LRP4: variants seen among roughly 807,000 people sequenced by gnomAD.
LRP4 encodes the protein LDL receptor related protein 4.
LRP4 carries 95 observed loss-of-function variants against 220.3 expected under a neutral mutation model. The ratio of observed to expected loss-of-function variants is 0.43; its 90% CI spans 0.37 to 0.51. The LOEUF is 0.51. Ranked by LOEUF, LRP4 falls within the 20% of genes least tolerant of loss-of-function variation. LRP4 has a pLI of 0.00. For synonymous variants in LRP4, 903 were observed against 954.6 expected, an observed-to-expected ratio of 0.95 and a Z score of 1.00; for missense variants, 1,925 against 2,567.0, an observed-to-expected ratio of 0.75 and a Z score of 5.40.
chr11:46,882,774 T>C (rs1941193708), intron 19 of LRP4, among the ~76,000 whole-genome samples: 1 of 152,122 alleles, frequency 6.6e-6, no homozygotes, highest in Admixed American at 6.6e-5. Flanking sequence ...GAGGATTGCT[T>C]GAGCCCAGGA....
chr11:46,890,924 A>G lies in LRP4; in HGVS notation c.1698-430T>C, dbSNP rs79475988. Among the ~76,000 whole-genome samples, 1,270 of 151,822 alleles carry G rather than the reference A, an allele frequency of 8.4e-3. 11 individuals carry two copies. The highest frequency in any genetic ancestry group is 0.03 in the African/African-American group (1,227 of 41,414). On this transcript the variant is annotated intron_variant, in intron 13 of 37. Coordinates refer to ENST00000378623, the MANE Select transcript of LRP4 (RefSeq NM_002334.4). This position sits in a 1 kb window ranked among gnomAD's most constrained non-coding sequence, Gnocchi z 5.3. ...ATGCTTTTTAAGTGTCTGAGTTTAA[A>G]TGTCTTTAGACAGGGCATTTATTCA...
intron 36 of LRP4, among the ~76,000 whole-genome samples, 168 bp downstream of exon 36, chr11:46,864,280 G>A (rs953508810): frequency 3.9e-5 from 6 of 152,214 alleles, no homozygotes; most frequent in African/African-American, 1.4e-4. Flanking sequence ...CTGGAGAAGA[G>A]TAAGTATTTA....
chr11:46,863,584 C>CAAAAAAAAAAAAA (rs55744712), intron 36 of LRP4, among the ~76,000 whole-genome samples: 7 of 54,072 alleles, frequency 1.3e-4, no homozygotes, highest in East Asian at 5.1e-4. Flanking sequence ...ACTAAAAATA[C>CAAAAAAAAAAAAA]AAAAAAAAAA....
rs759986440 is a variant in LRP4, at chr11:46,873,604, GC to G, written c.4230-12del. The G allele has an allele frequency of 1.5e-5, 24 of 1,607,510 alleles. No homozygotes were observed. The South Asian group carries it at 2.6e-4, about 18-fold the overall frequency. ...TTCAGGTCTGCTCGCCTTGGGGAGA[GC>G]CCAGTGTTGGATGAGCAACCAGACT... On this transcript the variant is annotated splice_polypyrimidine_tract_variant and intron_variant, in intron 28 of 37. Transcript: ENST00000378623. This position sits in a 1 kb window ranked among gnomAD's most constrained non-coding sequence, Gnocchi z 4.2.
intron 1 of LRP4, among the ~76,000 whole-genome samples, chr11:46,903,335 A>C (rs1020458219): frequency 1.3e-5 from 2 of 152,096 alleles, no homozygotes; most frequent in African/African-American, 4.8e-5. Flanking sequence ...TTCTACAAAA[A>C]ACTAAAAAAT....
intron 13 of LRP4, among the ~76,000 whole-genome samples, chr11:46,891,686 G>T (rs986136963): frequency 4.3e-4 from 66 of 152,096 alleles, no homozygotes; most frequent in Non-Finnish European, 1.5e-4. Context: ...CATAATCATG[G>T]CTCACTGCAG....
rs1420880652 is a variant in LRP4 at position 46,899,428 on chromosome 11, C to T, written c.506G>A (p.Gly169Asp). 8 of 1,614,206 alleles carry T rather than the reference C, an allele frequency of 5.0e-6. No homozygotes were observed. The highest frequency in any genetic ancestry group is 1.1e-5 in the South Asian group (1 of 91,088). The change falls in exon 5 of 38, where the codon GGT becomes GAT. Residue 169 changes from glycine (G) to aspartate (D), a missense_variant. Around this residue, in one of 3 missense-constraint regions of LRP4, gnomAD observed 412 missense variants for 505.4 expected, o/e 0.82. Transcript: ENST00000378623. This position sits in a 1 kb window ranked among gnomAD's most constrained non-coding sequence, Gnocchi z 5.9. Reference sequence around the variant, plus strand: ...GGAGCCATCTTTGCAGTCGGTGTCACCGTCGCAGTACCAATGCTCAGCAAT... The same window carrying T: ...GGAGCCATCTTTGCAGTCGGTGTCATCGTCGCAGTACCAATGCTCAGCAAT... ...SCIAEHWYCD[G>D]DTDCKDGSDE...
chr11:46,872,693 G>C (rs1217958504), intron 30 of LRP4, among the ~76,000 whole-genome samples: 2 of 152,010 alleles, frequency 1.3e-5, no homozygotes, highest in African/African-American at 2.4e-5. Context: ...GCAGAGAGCT[G>C]TGACTGCGCC....
Position 46,890,214 on chromosome 11 carries a change from C to G in LRP4, c.1915+63G>C, listed in dbSNP as rs1941388681. 1 of 1,607,534 alleles carries G rather than the reference C, an allele frequency of 6.2e-7. No homozygotes were observed. The highest frequency in any genetic ancestry group is 8.5e-7 in the Non-Finnish European group (1 of 1,174,356). ...ACTACACAAAACCTCTACCAAGGCT[C>G]CTGGGGGGCAGGGACGGGGGCAGGA... On this transcript the variant is annotated intron_variant, in intron 14 of 37. Transcript: ENST00000378623. The surrounding 1 kb of genome is among the most constrained non-coding windows in gnomAD (Gnocchi z 5.3).
chr11:46,862,712 C>G lies in LRP4; in HGVS notation c.5279G>C (p.Gly1760Ala), dbSNP rs780600793. The change falls in exon 37 of 38, where the codon GGG becomes GCG. Residue 1760 changes from glycine (G) to alanine (A), a missense_variant. Gly to Ala is a moderately conservative substitution (Grantham distance 60). This residue lies in a region of LRP4 where 1,244 missense variants were observed against 1,624.9 expected (regional missense o/e 0.77). Coordinates refer to ENST00000378623, the MANE Select transcript of LRP4 (RefSeq NM_002334.4). The part of the protein sequence containing the change: ...KKSKFTDPGM[G>A]NLTYSNPSYR... ...GGAGGGGTTGCTGTAGGTGAGGTTC[C>G]CCATTCCAGGATCAGTGAACTTGGA... The G allele has an allele frequency of 1.9e-6, 3 of 1,613,744 alleles. No individual in the cohort carries two copies.
intron 1 of LRP4, among the ~76,000 whole-genome samples, chr11:46,906,446 A>C (rs1375179982): frequency 6.6e-6 from 1 of 151,086 alleles, no homozygotes; most frequent in Non-Finnish European, 1.5e-5. Context: ...ACACAGCGAG[A>C]CTCTGTCTCG....
chr11:46,862,665 CT>C lies in LRP4; in HGVS notation c.5325del (p.Val1776Ter). On this transcript the variant is annotated frameshift_variant, in exon 37 of 38. Coordinates refer to ENST00000378623, the MANE Select transcript of LRP4 (RefSeq NM_002334.4). LOFTEE classifies it high-confidence loss of function. ...SNPSYRTSTQEVKIEAIPKPA... is the reference protein window; with the variant it reads ...SNPSYRTSTQXVKIEAIPKPA... ...GGTTTGGGGATTGCTTCAATCTTCA[CT>C]TCCTGTGTGGATGTTCGGTAGGAGG... 1 of 1,614,086 alleles carries C rather than the reference CT, an allele frequency of 6.2e-7. No individual in the cohort carries two copies. The highest frequency in any genetic ancestry group is 8.5e-7 in the Non-Finnish European group (1 of 1,179,950).
At chr11:46,898,478 G>C in intron 7 of LRP4, 80 bp downstream of exon 7, 1 of 1,595,718 alleles carries the variant, frequency 6.3e-7, no homozygotes, top group Admixed American at 1.7e-5. Flanking sequence ...GAGCCACCGC[G>C]CCCAGCCGGT....
At chr11:46,898,000 G>C (rs865908704) in intron 7 of LRP4, among the ~76,000 whole-genome samples, 43 of 142,546 alleles carry the variant, frequency 3.0e-4, no homozygotes, top group Middle Eastern at 4.5e-3. Context: ...GCCGGGCGGG[G>C]GGCTGACCCC....
intron 13 of LRP4, among the ~76,000 whole-genome samples, chr11:46,891,448 CACACACACACACACACAG>C (rs1461898379): frequency 6.7e-6 from 1 of 149,958 alleles, no homozygotes; most frequent in Non-Finnish European, 1.5e-5. Flanking sequence ...CACACACACA[CACACACACACACACACAG>C]ACACACACAC....
intron 19 of LRP4, among the ~76,000 whole-genome samples, chr11:46,883,400 G>C (rs1460674710): frequency 1.3e-5 from 2 of 152,236 alleles, no homozygotes; most frequent in East Asian, 1.9e-4. Flanking sequence ...CTGCTTAAAG[G>C]CATTTTTAAG....
At chr11:46,909,575 G>T (rs1326427360) in intron 1 of LRP4, among the ~76,000 whole-genome samples, 9 of 99,912 alleles carry the variant, frequency 9.0e-5, no homozygotes, top group African/African-American at 3.6e-4. Flanking sequence ...ACTGCAGTCC[G>T]CAGTCCGGCC....
chr11:46,900,716 C>T (rs1234760604), intron 2 of LRP4, among the ~76,000 whole-genome samples: 1 of 151,856 alleles, frequency 6.6e-6, no homozygotes, highest in Non-Finnish European at 1.5e-5. Context: ...GTCTCAAACC[C>T]CCGACCTCAG....
intron 37 of LRP4, among the ~76,000 whole-genome samples, chr11:46,862,312 A>G (rs1009515810): frequency 6.6e-6 from 1 of 152,098 alleles, no homozygotes; most frequent in Non-Finnish European, 1.5e-5. Context: ...TCCTGGAGGG[A>G]AAGAACCTAT....
Sources: allele counts gnomAD v4.1 joint callset (sites outside exome capture counted in the v4.1 genomes callset), GRCh38; gene constraint gnomAD v4.1.1; regional missense constraint gnomAD v4.1.1; non-coding constraint Gnocchi (gnomAD v3.1); transcripts MANE v1.5; gene names NCBI Gene and HGNC (gene_info 2026-07-23, HGNC 2026-07-21).